The following SLC16A12 variants were observed in gnomAD, a reference collection of about 807,000 sequenced individuals.
The protein encoded by SLC16A12 is monocarboxylate transporter 12.
In SLC16A12, 17 loss-of-function variants were observed where a neutral mutation model predicts 42.4. The ratio of observed to expected loss-of-function variants is 0.40; its 90% CI spans 0.27 to 0.60. SLC16A12 has a LOEUF of 0.60. Ranked by LOEUF, SLC16A12 falls within the 20% of genes least tolerant of loss-of-function variation. The probability of loss-of-function intolerance (pLI) is 0.42; values close to 1 mark genes in which losing one functional copy is unlikely to be tolerated. For missense variants in SLC16A12, 544 were observed against 623.0 expected, an observed-to-expected ratio of 0.87 and a Z score of 1.35; for synonymous variants, 224 against 229.4, an observed-to-expected ratio of 0.98 and a Z score of 0.21.
At chr10:89,513,326 C>T (rs1843193795) in intron 2 of SLC16A12, among the ~76,000 whole-genome samples, 1 of 152,178 alleles carries the variant, frequency 6.6e-6, no homozygotes, top group South Asian at 2.1e-4. Context: ...TAACTGACTT[C>T]ACCAATCCCC....
chr10:89,499,495 G>A (rs1280245116), intron 2 of SLC16A12, among the ~76,000 whole-genome samples: 8 of 152,110 alleles, frequency 5.3e-5, no homozygotes, highest in African/African-American at 1.4e-4. Context: ...TGGAGGTTAC[G>A]GTGAGCCCAG....
intron 5 of SLC16A12, among the ~76,000 whole-genome samples, chr10:89,440,574 T>A (rs888969457): frequency 1.3e-5 from 2 of 152,244 alleles, no homozygotes; most frequent in South Asian, 4.1e-4. Flanking sequence ...ATTTATTGAA[T>A]GTACATGTTG....
intron 6 of SLC16A12, 129 bp from the exon 7 acceptor site, chr10:89,436,448 A>G: frequency 2.7e-6 from 3 of 1,095,764 alleles, no homozygotes; most frequent in Non-Finnish European, 2.7e-6. Flanking sequence ...TGTGTTATGT[A>G]TGCTGTCTTC....
chr10:89,512,481 T>G (rs948272399), intron 2 of SLC16A12, among the ~76,000 whole-genome samples: 1 of 152,200 alleles, frequency 6.6e-6, no homozygotes. Flanking sequence ...AAGCCACCCT[T>G]GACCTTAGGG....
chr10:89,545,880 G>T (rs1364014790), intron 2 of SLC16A12, among the ~76,000 whole-genome samples: 1 of 152,136 alleles, frequency 6.6e-6, no homozygotes, highest in Non-Finnish European at 1.5e-5. Context: ...GCAGAACAGA[G>T]ACCTCAGAAA....
intron 5 of SLC16A12, 102 bp from the exon 6 acceptor site, chr10:89,439,285 A>T: frequency 8.2e-7 from 1 of 1,216,220 alleles, no homozygotes; most frequent in Non-Finnish European, 1.2e-6. Context: ...CCTCTCATTA[A>T]ACCCTTTTAA....
At chr10:89,494,525 T>C (rs1371658454) in intron 2 of SLC16A12, among the ~76,000 whole-genome samples, 3 of 152,178 alleles carry the variant, frequency 2.0e-5, no homozygotes, top group Non-Finnish European at 4.4e-5. Context: ...CGCATGTTTA[T>C]CTCTCCTCCT....
intron 3 of SLC16A12, among the ~76,000 whole-genome samples, chr10:89,449,917 A>G (rs995098120): frequency 2.0e-5 from 3 of 152,234 alleles, no homozygotes; most frequent in Non-Finnish European, 4.4e-5. Flanking sequence ...TACAAGAAAA[A>G]AATCAAACAA....
chr10:89,517,983 G>A (rs1294704900), intron 2 of SLC16A12, among the ~76,000 whole-genome samples: 1 of 152,184 alleles, frequency 6.6e-6, no homozygotes, highest in Admixed American at 6.5e-5. Flanking sequence ...GGGCACCTTA[G>A]ACTTGGGGAA....
Position 89,489,842 on chromosome 10 carries a change from G to A in SLC16A12, c.-46-27218C>T, listed in dbSNP as rs952078158. 2.6e-5 allele frequency among the ~76,000 whole-genome samples: 4 copies of A among 152,062 alleles called. No individual in the cohort carries two copies. In the East Asian group the frequency reaches 7.7e-4, roughly 29 times the overall value. On this transcript the variant is annotated intron_variant, in intron 2 of 7. Coordinates refer to ENST00000371790, the MANE Select transcript of SLC16A12 (RefSeq NM_213606.4). ...GTTATTTCAAATATGATGAAAAAAG[G>A]TATAAAAATTAATGCTGACTGGTTC... is the stretch of plus-strand genomic sequence containing the variant.
At chr10:89,463,402 T>TAA (rs58236030) in intron 2 of SLC16A12, among the ~76,000 whole-genome samples, 8 of 151,192 alleles carry the variant, frequency 5.3e-5, no homozygotes, top group African/African-American at 9.7e-5. Flanking sequence ...CCAAATAAGG[T>TAA]AAAAAAAAGA....
At chr10:89,490,862 T>G (rs555633640) in intron 2 of SLC16A12, among the ~76,000 whole-genome samples, 3 of 152,306 alleles carry the variant, frequency 2.0e-5, no homozygotes, top group Admixed American at 6.5e-5. Context: ...GTCTCCCATC[T>G]TTAGGGCCTT....
Position 89,511,712 on chromosome 10 carries a change from C to A in SLC16A12, c.-47+22789G>T, listed in dbSNP as rs1204763255. On this transcript the variant is annotated intron_variant, in intron 2 of 7. Transcript: ENST00000371790. The stretch of plus-strand genomic sequence containing the variant: ...AAACCTGCATGATGTGCACATGTAC[C>A]CCGAACTTAAAGTATAATAATAATA... Among the ~76,000 whole-genome samples, 2 of 151,948 alleles carry A rather than the reference C, an allele frequency of 1.3e-5. 1 individual carries two copies. Among genetic ancestry groups the A allele is most frequent in the Non-Finnish European group, 2.9e-5 (2 of 68,002 alleles).
In SLC16A12 at chr10:89,441,177, T is replaced by C; in HGVS notation, c.379A>G (p.Thr127Ala). The C allele has an allele frequency of 6.2e-7, 1 of 1,613,924 alleles. No individual in the cohort carries two copies. The highest frequency in any genetic ancestry group is 8.5e-7 in the Non-Finnish European group (1 of 1,179,888). Residue 127 changes from threonine to alanine, a missense_variant, in exon 5 of 8, where the codon ACT becomes GCT. Transcript: ENST00000371790. Reference protein sequence around the residue: ...GIMLGGLLASTGLILSSFATS... With the variant: ...GIMLGGLLASAGLILSSFATS... ...GCAAATGAGCTCAGGATGAGTCCAG[T>C]AGATGCAAGCAAGCCACCCAGCATG...
intron 3 of SLC16A12, 139 bp downstream of exon 3, chr10:89,462,230 TGATACCTGAA>T: frequency 9.3e-7 from 1 of 1,077,022 alleles, no homozygotes. Flanking sequence ...GCAAAGAAAA[TGATACCTGAA>T]GAGTCAACGG....
chr10:89,434,337 G>A (rs1841743403), intron 7 of SLC16A12, among the ~76,000 whole-genome samples: 1 of 152,186 alleles, frequency 6.6e-6, no homozygotes, highest in South Asian at 2.1e-4. Context: ...TGTCTGATTT[G>A]CCAATGAAGG....
intron 3 of SLC16A12, among the ~76,000 whole-genome samples, chr10:89,445,087 G>A (rs1165933456): frequency 6.6e-6 from 1 of 152,256 alleles, no homozygotes; most frequent in Admixed American, 6.5e-5. Context: ...GGTAAACAAA[G>A]TGGCCAGGAA....
intron 2 of SLC16A12, among the ~76,000 whole-genome samples, chr10:89,509,542 T>C (rs1843129680): frequency 1.3e-5 from 2 of 152,128 alleles, no homozygotes; most frequent in Admixed American, 6.6e-5. Context: ...ATTTAGCAGC[T>C]CTTCATGCTA....
intron 2 of SLC16A12, among the ~76,000 whole-genome samples, chr10:89,523,376 G>A (rs573665592): frequency 6.6e-6 from 1 of 152,170 alleles, no homozygotes; most frequent in East Asian, 1.9e-4. Flanking sequence ...TTTGCCTCCT[G>A]TGTCCTCCAC....
Sources: allele counts gnomAD v4.1 joint callset (sites outside exome capture counted in the v4.1 genomes callset), GRCh38; gene constraint gnomAD v4.1.1; transcripts MANE v1.5; gene names NCBI Gene and HGNC (gene_info 2026-07-23, HGNC 2026-07-21).